Variants in SYN2 observed in about 807,000 individuals in gnomAD.
The protein encoded by SYN2 is synapsin-2.
In SYN2, 19 loss-of-function variants were observed where a neutral mutation model predicts 50.9. The observed-to-expected ratio is 0.37, with a 90% CI of 0.26 to 0.55. The LOEUF (loss-of-function observed/expected upper bound fraction) is 0.55, where lower values mean the gene tolerates loss of function less well. SYN2 is among the 20% of genes least tolerant of loss of function. The pLI, the probability that SYN2 is intolerant of heterozygous loss-of-function variation, is 0.81. For missense variants in SYN2, 587 were observed against 576.4 expected (o/e 1.02, Z -0.19); for synonymous variants, 255 against 224.9 (o/e 1.13, Z -1.20).
intron 1 of SYN2, 23 bp downstream of exon 1, chr3:12,004,951 CTCGGGGGTCGGGGTCCGCCGGCA>C (rs1693763492): frequency 2.0e-6 from 1 of 496,788 alleles, no homozygotes; most frequent in Non-Finnish European, 3.5e-6. Context: ...CGCCGCCGCC[CTCGGGGGTCGGGGTCCGCCGGCA>C]GCCGCAGGCC....
intron 1 of SYN2, among the ~76,000 whole-genome samples, chr3:12,096,424 A>G (rs1695935827): frequency 6.6e-6 from 1 of 152,186 alleles, no homozygotes; most frequent in Non-Finnish European, 1.5e-5. Flanking sequence ...GAACCAGTCC[A>G]GAGCTCCAGA....
At chr3:12,059,605 G>A (rs1461425766) in intron 1 of SYN2, among the ~76,000 whole-genome samples, 1 of 152,024 alleles carries the variant, frequency 6.6e-6, no homozygotes, top group African/African-American at 2.4e-5. Context: ...ACAACTCAGG[G>A]ACATACGTTA....
At chr3:12,164,837 A>C (rs978409351) in intron 7 of SYN2, among the ~76,000 whole-genome samples, 3 of 152,188 alleles carry the variant, frequency 2.0e-5, no homozygotes, top group Non-Finnish European at 2.9e-5. Context: ...TTTTCCACTC[A>C]AAAAGGATTT....
chr3:12,101,209 T>C (rs537984453), intron 1 of SYN2, among the ~76,000 whole-genome samples: 235 of 152,272 alleles, frequency 1.5e-3, no homozygotes, highest in Admixed American at 3.1e-3. Context: ...ATGGTTCATA[T>C]TAGTCTAAAG....
chr3:12,078,502 A>G (rs147433183), intron 1 of SYN2, among the ~76,000 whole-genome samples: 6,881 of 152,280 alleles, frequency 0.045, 202 homozygotes, highest in Non-Finnish European at 0.067. Context: ...GAAGGGGTCC[A>G]GTTTCAATTT....
intron 4 of SYN2, among the ~76,000 whole-genome samples, chr3:12,149,694 A>G (rs115959555): frequency 0.017 from 2,526 of 152,270 alleles, 65 homozygotes; most frequent in African/African-American, 0.057. Flanking sequence ...TCATCCTTTC[A>G]GTCCTGGAGG....
intron 11 of SYN2, chr3:12,184,853 C>T (rs1466325373): frequency 3.0e-6 from 3 of 985,564 alleles, no homozygotes; most frequent in South Asian, 9.4e-5. Context: ...CACCATGGTC[C>T]GTGGAAGTTC....
At chr3:12,155,730 G>A (rs1660865777) in intron 5 of SYN2, among the ~76,000 whole-genome samples, 1 of 152,180 alleles carries the variant, frequency 6.6e-6, no homozygotes, top group South Asian at 2.1e-4. Context: ...CCCTCAGTTA[G>A]ACTTGACCTC....
intron 9 of SYN2, 47 bp downstream of exon 9, chr3:12,168,525 C>A: frequency 6.6e-7 from 1 of 1,511,590 alleles, no homozygotes; most frequent in Non-Finnish European, 9.1e-7. Context: ...GGCTTAAGAA[C>A]TATGTGGGCA....
intron 1 of SYN2, among the ~76,000 whole-genome samples, chr3:12,137,705 A>G (rs960272239): frequency 1.3e-5 from 2 of 152,214 alleles, no homozygotes; most frequent in Non-Finnish European, 2.9e-5. Context: ...GCAAAAAACA[A>G]AAGTTTAAAA....
chr3:12,019,869 A>C (rs1354594501), intron 1 of SYN2, among the ~76,000 whole-genome samples: 2 of 152,200 alleles, frequency 1.3e-5, no homozygotes, highest in Non-Finnish European at 2.9e-5. Context: ...AGCTGTGTCT[A>C]AAATCAATAC....
chr3:12,024,381 A>C (rs555633338), intron 1 of SYN2, among the ~76,000 whole-genome samples: 2 of 152,040 alleles, frequency 1.3e-5, no homozygotes, highest in East Asian at 3.9e-4. Context: ...ACTGGTCTCC[A>C]ACTCCTGACC....
chr3:12,153,245 C>T (rs1344064360), intron 5 of SYN2: 5 of 532,258 alleles, frequency 9.4e-6, no homozygotes, highest in Non-Finnish European at 1.4e-5. Context: ...ATAGTCCTGG[C>T]TTTAGAAAAC....
chr3:12,167,631 A>G (rs1180069990), intron 8 of SYN2, among the ~76,000 whole-genome samples: 1 of 152,064 alleles, frequency 6.6e-6, no homozygotes, highest in Non-Finnish European at 1.5e-5. Flanking sequence ...ACCTAGCCTC[A>G]AGTATTCCTT....
chr3:12,065,128 A>C (rs1695187691), intron 1 of SYN2, among the ~76,000 whole-genome samples: 1 of 152,190 alleles, frequency 6.6e-6, no homozygotes, highest in African/African-American at 2.4e-5. Context: ...CATCAAATAA[A>C]TGCAAATAAA....
intron 1 of SYN2, among the ~76,000 whole-genome samples, chr3:12,098,128 T>C (rs1367345067): frequency 6.6e-6 from 1 of 152,162 alleles, no homozygotes; most frequent in Non-Finnish European, 1.5e-5. Flanking sequence ...GTCTTGAAAG[T>C]AGCAAAAGAG....
intron 10 of SYN2, among the ~76,000 whole-genome samples, chr3:12,174,247 T>A (rs1384830751): frequency 1.8e-3 from 3 of 1,658 alleles, no homozygotes; most frequent in East Asian, 0.013. Context: ...TAACTCTTGC[T>A]TGACATCCTT....
At chr3:12,096,349 G>C (rs565778368) in intron 1 of SYN2, among the ~76,000 whole-genome samples, 1 of 152,108 alleles carries the variant, frequency 6.6e-6, no homozygotes, top group Admixed American at 6.5e-5. Flanking sequence ...ACAGATTCTT[G>C]TTGGCTCCTT....
intron 5 of SYN2, chr3:12,154,332 A>G: frequency 6.2e-7 from 1 of 1,614,228 alleles, no homozygotes. Context: ...CTTACTTGGC[A>G]GCCACAGTTC....
Sources: gnomAD v4.1 joint callset for allele counts (sites outside exome capture counted in the v4.1 genomes callset) on GRCh38, gnomAD v4.1.1 for gene constraint, MANE v1.5 for transcripts, NCBI Gene and HGNC (gene_info 2026-07-23, HGNC 2026-07-21) for gene names.